The following DCHS2 variants were observed in gnomAD, a reference collection of about 807,000 sequenced individuals.
DCHS2 encodes dachsous cadherin-related 2.
DCHS2 carries 142 observed loss-of-function variants against 182.4 expected under a neutral mutation model. The ratio of observed to expected loss-of-function variants is 0.78; its 90% confidence interval spans 0.68 to 0.89. The LOEUF (loss-of-function observed/expected upper bound fraction) is 0.89, where lower values mean the gene tolerates loss of function less well. Ranked by LOEUF, DCHS2 falls within the 40% of genes least tolerant of loss-of-function variation. The pLI, the probability that DCHS2 is intolerant of heterozygous loss-of-function variation, is 0.00. For synonymous variants in DCHS2, 1,740 were observed against 1,663.3 expected, an observed-to-expected ratio of 1.05 and a Z score of -1.12; for missense variants, 4,319 against 4,198.6, an observed-to-expected ratio of 1.03 and a Z score of -0.79.
chr4:154,435,588 T>C (rs1560756799), intron 1 of DCHS2, among the ~76,000 whole-genome samples: 1 of 136,766 alleles, frequency 7.3e-6, no homozygotes. Context: ...AGAGTGAGAC[T>C]CCATCTCAAA....
In DCHS2 at chr4:154,331,764, G is replaced by C. The variant is rs757632448; in HGVS notation, c.3730+714C>G. ...CATCTTACCAGCTCCATGACTTTGG[G>C]TGTACTACTCGAGCTATCTGAGTTT... On this transcript the variant is annotated intron_variant, in intron 5 of 19. Coordinates refer to ENST00000357232, the MANE Select transcript of DCHS2 (RefSeq NM_001358235.2). 3.2e-6 allele frequency: 5 copies of C among 1,566,314 alleles called. No homozygotes were observed. In the East Asian group the frequency reaches 1.1e-4, roughly 36 times the overall value.
At position 154,368,514 on chromosome 4, in the gene DCHS2, A is replaced by ATACTTT. The variant is rs1200336997; in HGVS notation, c.2245-2079_2245-2074dup. On this transcript the variant is annotated intron_variant, in intron 2 of 19. Transcript: ENST00000357232. The stretch of plus-strand genomic sequence containing the variant: ...AGATGCACAAAGTGGAAAACGTATA[A>ATACTTT]TACTTTTTTTTTTTTTTTTGAGATG... 6.6e-5 allele frequency among the ~76,000 whole-genome samples: 9 copies of ATACTTT among 137,360 alleles called. No individual in the cohort carries two copies. The Admixed American group carries it at 6.8e-4, about 10-fold the overall frequency. 90.1% of individuals were successfully genotyped at this position (137,360 alleles called of 152,430 possible). A position where few individuals can be genotyped will look rare whatever the true frequency, so the allele number is the denominator to read the frequency against.
Position 154,234,356 on chromosome 4 carries a change from C to G in DCHS2, c.*180G>C. On this transcript the variant is annotated 3_prime_UTR_variant, in exon 20 of 20. Transcript: ENST00000357232. ...ACATAAGGATTAAAAGAGGAAATAACTTTTCATTAAGGCTGGAAGAAATTG... is the reference window on the plus strand; with the variant it reads ...ACATAAGGATTAAAAGAGGAAATAAGTTTTCATTAAGGCTGGAAGAAATTG... 2.4e-6 allele frequency: 2 copies of G among 845,976 alleles called. No homozygotes were observed. Among genetic ancestry groups the G allele is most frequent in the East Asian group, 2.8e-5 (1 of 36,100 alleles). The allele number at this position is 845,976 out of a possible 1,614,324, so 52.4% of individuals were successfully genotyped here. A position where few individuals can be genotyped will look rare whatever the true frequency, so the allele number is the denominator to read the frequency against.
chr4:154,237,459 T>G (rs935480199), intron 19 of DCHS2: 5 of 222,162 alleles, frequency 2.3e-5, no homozygotes, highest in African/African-American at 1.1e-4. Flanking sequence ...GTTCCACTAT[T>G]CTTAAAAAAT....
chr4:154,479,549 G>A (rs941324068), intron 1 of DCHS2, among the ~76,000 whole-genome samples: 2 of 152,142 alleles, frequency 1.3e-5, no homozygotes, highest in Non-Finnish European at 2.9e-5. Context: ...TAATGATAAA[G>A]TAGCCTTAAG....
At chr4:154,383,083 A>G (rs1434109592) in intron 1 of DCHS2, among the ~76,000 whole-genome samples, 1 of 152,218 alleles carries the variant, frequency 6.6e-6, no homozygotes, top group African/African-American at 2.4e-5. Flanking sequence ...CATAGAATCA[A>G]CCTAGGGACC....
rs751547193 is a variant in DCHS2, at chr4:154,491,303, G to A, written c.53C>T (p.Pro18Leu). 1.1e-5 allele frequency: 17 copies of A among 1,547,834 alleles called. No homozygotes were observed. Among genetic ancestry groups the A allele is most frequent in the Non-Finnish European group, 1.4e-5 (16 of 1,144,640 alleles). The change falls in exon 1 of 20, where the codon CCG (proline) becomes CTG (leucine). Residue 18 changes from proline (P) to leucine (L), a missense_variant. Physicochemically the swap from Pro to Leu is moderately conservative, Grantham distance 98 (BLOSUM62 -3). Coordinates refer to ENST00000357232, the MANE Select transcript of DCHS2 (RefSeq NM_001358235.2). Reference sequence around the variant, plus strand: ...GGGGAGCAGAAGGAGCTTCCCGACCGGAGCCCGCCGCTGCTGACGCCCTTC... The same window carrying A: ...GGGGAGCAGAAGGAGCTTCCCGACCAGAGCCCGCCGCTGCTGACGCCCTTC... ...MGEGRQQRRA[P>L]VGKLLLLPGR...
At chr4:154,342,235 T>C (rs1009725380) in intron 3 of DCHS2, among the ~76,000 whole-genome samples, 2 of 151,430 alleles carry the variant, frequency 1.3e-5, no homozygotes, top group Non-Finnish European at 2.9e-5. Flanking sequence ...GTGTTAACAG[T>C]CATTTGAGAT....
intron 1 of DCHS2, among the ~76,000 whole-genome samples, chr4:154,392,607 C>A (rs747508711): frequency 3.6e-4 from 54 of 152,112 alleles, no homozygotes; most frequent in Non-Finnish European, 5.7e-4. Flanking sequence ...GGTTTGGAAA[C>A]CTATTCTCAA....
intron 1 of DCHS2, among the ~76,000 whole-genome samples, chr4:154,466,952 C>G (rs1296863498): frequency 6.6e-6 from 1 of 152,146 alleles, no homozygotes; most frequent in Non-Finnish European, 1.5e-5. Flanking sequence ...AGAGAGCTCT[C>G]TTTCCCATAT....
Position 154,491,092 on chromosome 4 carries a change from G to T in DCHS2, c.264C>A (p.Ala88=). ...CCTGCTGCTGCGCGGCCGGCAGCCC[G>T]GCGCGGATGTCACCTACCAGCGTGT... ...PPDTLVGDIR[A]GLPAAQQQEG... Residue 88 remains alanine, a synonymous_variant, in exon 1 of 20, where the codon GCC becomes GCA. Transcript: ENST00000357232. 4 of 1,551,334 alleles carry T rather than the reference G, an allele frequency of 2.6e-6. No homozygotes were observed. Among genetic ancestry groups the T allele is most frequent in the Non-Finnish European group, 3.5e-6 (4 of 1,146,952 alleles).
chr4:154,288,163 T>G (rs1319549034), intron 13 of DCHS2, among the ~76,000 whole-genome samples: 1 of 152,060 alleles, frequency 6.6e-6, no homozygotes, highest in Non-Finnish European at 1.5e-5. Flanking sequence ...GACACAATGG[T>G]CTTTTGCCTA....
At chr4:154,255,469 A>C in intron 16 of DCHS2, 50 bp downstream of exon 16, 1 of 1,565,300 alleles carries the variant, frequency 6.4e-7, no homozygotes, top group Non-Finnish European at 8.6e-7. Context: ...CAATGTTGTC[A>C]GTAAGCAGGC....
At chr4:154,308,467 A>G (rs1299500022) in intron 10 of DCHS2, among the ~76,000 whole-genome samples, 1 of 152,146 alleles carries the variant, frequency 6.6e-6, no homozygotes, top group Non-Finnish European at 1.5e-5. Flanking sequence ...TTCAGTTTGC[A>G]TCCATATCTA....
chr4:154,469,824 C>G (rs1560777575), intron 1 of DCHS2, among the ~76,000 whole-genome samples: 1 of 152,202 alleles, frequency 6.6e-6, no homozygotes, highest in Non-Finnish European at 1.5e-5. Flanking sequence ...ACTGTAACAT[C>G]ATCCTGTTAG....
At chr4:154,343,357 C>A (rs1729200448) in intron 3 of DCHS2, 2 of 1,079,010 alleles carry the variant, frequency 1.9e-6, no homozygotes, top group Non-Finnish European at 2.4e-6. Flanking sequence ...CTTTTAAGTT[C>A]TGAAGCCAGG....
intron 7 of DCHS2, chr4:154,323,463 G>A: frequency 7.8e-7 from 1 of 1,286,282 alleles, no homozygotes; most frequent in African/African-American, 1.5e-5. Context: ...CCAGATAGCT[G>A]GGACTACAGG....
At chr4:154,328,261 AAATG>A (rs1321353894) in intron 6 of DCHS2, 69 bp from the exon 7 acceptor site, 2 of 1,062,502 alleles carry the variant, frequency 1.9e-6, no homozygotes, top group African/African-American at 3.2e-5. Context: ...GTGGACCTTT[AAATG>A]AATGAATACA....
chr4:154,285,267 G>A (rs1734341307), intron 13 of DCHS2, among the ~76,000 whole-genome samples: 2 of 152,138 alleles, frequency 1.3e-5, no homozygotes, highest in South Asian at 2.1e-4. Flanking sequence ...GAGACTCAGA[G>A]ATGTGCTGGC....
Sources: allele counts gnomAD v4.1 joint callset (sites outside exome capture counted in the v4.1 genomes callset), GRCh38; gene constraint gnomAD v4.1.1; transcripts MANE v1.5; gene names NCBI Gene and HGNC (gene_info 2026-07-23, HGNC 2026-07-21).